ATP2A2: variants seen among roughly 807,000 people sequenced by gnomAD.
ATP2A2 encodes ATPase sarcoplasmic/endoplasmic reticulum Ca2+ transporting 2.
ATP2A2 carries 14 observed loss-of-function variants against 109.3 expected under a neutral mutation model. The observed-to-expected ratio is 0.13, with a 90% CI of 0.08 to 0.20. ATP2A2 has a LOEUF of 0.20. Ranked by LOEUF, ATP2A2 falls within the 10% of genes least tolerant of loss-of-function variation. The pLI is 1.00. For missense variants in ATP2A2, 657 were observed against 1,321.6 expected (o/e 0.50, Z 7.80); for synonymous variants, 506 against 490.9 (o/e 1.03, Z -0.41).
chr12:110,286,635 C>T (rs1013350827), intron 3 of ATP2A2, among the ~76,000 whole-genome samples: 1 of 150,668 alleles, frequency 6.6e-6, no homozygotes, highest in African/African-American at 2.4e-5. Context: ...CAGAAATTAT[C>T]GTAACGTTTA....
At chr12:110,320,957 A>G (rs1396621602) in intron 5 of ATP2A2, among the ~76,000 whole-genome samples, 5 of 152,236 alleles carry the variant, frequency 3.3e-5, no homozygotes, top group Admixed American at 3.3e-4. Flanking sequence ...GGCTGGGTGC[A>G]GTGGCTCACG....
intron 11 of ATP2A2, among the ~76,000 whole-genome samples, chr12:110,337,250 G>A (rs958429567): frequency 1.3e-5 from 2 of 152,312 alleles, no homozygotes; most frequent in Admixed American, 1.3e-4. Context: ...GAACCCATGT[G>A]TAGTTTAGAA....
intron 3 of ATP2A2, among the ~76,000 whole-genome samples, chr12:110,284,124 C>G (rs1872431913): frequency 6.6e-6 from 1 of 152,150 alleles, no homozygotes; most frequent in Admixed American, 6.6e-5. Flanking sequence ...ATTCAGCATT[C>G]TGAGTCAGTC....
At chr12:110,301,901 T>A (rs1167222418) in intron 5 of ATP2A2, among the ~76,000 whole-genome samples, 1 of 152,198 alleles carries the variant, frequency 6.6e-6, no homozygotes. Context: ...AGGCAAATTT[T>A]ATAGAGTTTA....
intron 11 of ATP2A2, among the ~76,000 whole-genome samples, chr12:110,335,757 T>A (rs1878780132): frequency 6.6e-6 from 1 of 151,658 alleles, no homozygotes; most frequent in Non-Finnish European, 1.5e-5. Context: ...GAGGAAGGAG[T>A]GTGATGCTCT....
rs1877933707 is a variant in ATP2A2, at chr12:110,327,573, G to A, written c.651G>A (p.Gly217=). 6.2e-7 allele frequency: 1 copy of A among 1,613,910 alleles called. No individual in the cohort carries two copies. The highest frequency in any genetic ancestry group is 8.5e-7 in the Non-Finnish European group (1 of 1,179,954). Residue 217 remains glycine (G), a synonymous_variant, in exon 8 of 20, where the codon GGG becomes GGA. Coordinates refer to ENST00000539276, the MANE Select transcript of ATP2A2 (RefSeq NM_170665.4). This position sits in a 1 kb window ranked among gnomAD's most constrained non-coding sequence, Gnocchi z 4.4. ...MLFSGTNIAA[G]KAMGVVVATG... ...CCTAGGGTACAAACATTGCTGCTGGGAAAGCTATGGGAGTGGTGGTAGCAA... is the reference window on the plus strand; with the variant it reads ...CCTAGGGTACAAACATTGCTGCTGGAAAAGCTATGGGAGTGGTGGTAGCAA...
chr12:110,348,926 G>A lies in ATP2A2; in HGVS notation c.*2456G>A, dbSNP rs942359661. On this transcript the variant is annotated 3_prime_UTR_variant, in exon 20 of 20. Coordinates refer to ENST00000539276, the MANE Select transcript of ATP2A2 (RefSeq NM_170665.4). ...TTGAGTGCTGCACTATTGCTATTCC[G>A]TGCAAACAAAACTCAGCTTTTCCTG... The A allele has an allele frequency of 5.8e-5, 57 of 985,306 alleles. 1 individual carries two copies. Among genetic ancestry groups the A allele is most frequent in the South Asian group, 1.4e-4 (3 of 21,294 alleles). The allele number at this position is 985,306 out of a possible 1,614,324, so 61.0% of individuals were successfully genotyped here.
Position 110,350,036 on chromosome 12 carries a change from TTTC to T in ATP2A2, c.*3567_*3569del. 1 of 1,402,216 alleles carries T rather than the reference TTTC, an allele frequency of 7.1e-7. No homozygotes were observed. The highest frequency in any genetic ancestry group is 9.3e-7 in the Non-Finnish European group (1 of 1,080,958). 86.9% of individuals were successfully genotyped at this position (1,402,216 alleles called of 1,614,324 possible). ...AACGATTGTGTCTGCCTCATGGGGT[TTTC>T]CTCCAGAGCCTTTATTCTGTAGCCA... On this transcript the variant is annotated 3_prime_UTR_variant, in exon 20 of 20. Transcript: ENST00000539276.
At position 110,289,266 on chromosome 12, in the gene ATP2A2, G is replaced by A. The variant is rs919231850; in HGVS notation, c.220-2754G>A. ...AGGTCATAGTTACTCTTCAAGTTGA[G>A]CGATTTTTCTCCCCCAAGAGCTAAT... On this transcript the variant is annotated intron_variant, in intron 3 of 19. Coordinates refer to ENST00000539276, the MANE Select transcript of ATP2A2 (RefSeq NM_170665.4). Among the ~76,000 whole-genome samples the A allele has an allele frequency of 5.3e-5, 8 of 152,288 alleles. No individual in the cohort carries two copies. In the South Asian group the frequency reaches 1.0e-3, roughly 20 times the overall value.
At chr12:110,318,555 C>T (rs896431283) in intron 5 of ATP2A2, among the ~76,000 whole-genome samples, 1 of 152,142 alleles carries the variant, frequency 6.6e-6, no homozygotes, top group African/African-American at 2.4e-5. Context: ...CTCACTGCAA[C>T]CTCCGCCTCC....
At position 110,343,437 on chromosome 12, in the gene ATP2A2, G is replaced by A. The variant is rs764993771; in HGVS notation, c.2521+3G>A. 6.2e-7 allele frequency: 1 copy of A among 1,613,888 alleles called. No individual in the cohort carries two copies. The highest frequency in any genetic ancestry group is 1.1e-5 in the South Asian group (1 of 91,064). On this transcript the variant is annotated splice_donor_region_variant and intron_variant, in intron 16 of 19. Transcript: ENST00000539276. ...TTTCCGTTACTTGGCTATTGGCTGT[G>A]AGTACAATTTTTTTATATTACTGAT...
At chr12:110,344,538 T>C (rs1219547519) in intron 16 of ATP2A2, among the ~76,000 whole-genome samples, 2 of 152,152 alleles carry the variant, frequency 1.3e-5, no homozygotes, top group African/African-American at 4.8e-5. Flanking sequence ...CTGTGCAGCC[T>C]TACATGGAGT....
In ATP2A2 at chr12:110,350,042, C is replaced by G. The variant is rs996528197; in HGVS notation, c.*3572C>G. 5 of 1,409,720 alleles carry G rather than the reference C, an allele frequency of 3.5e-6. No individual in the cohort carries two copies. Among genetic ancestry groups the G allele is most frequent in the Non-Finnish European group, 4.6e-6 (5 of 1,085,640 alleles). 87.3% of individuals were successfully genotyped at this position (1,409,720 alleles called of 1,614,324 possible). ...TGTGTCTGCCTCATGGGGTTTTCCT[C>G]CAGAGCCTTTATTCTGTAGCCAGAC... On this transcript the variant is annotated 3_prime_UTR_variant, in exon 20 of 20. Transcript: ENST00000539276.
intron 11 of ATP2A2, among the ~76,000 whole-genome samples, chr12:110,338,002 C>G (rs973874870): frequency 6.6e-6 from 1 of 152,154 alleles, no homozygotes; most frequent in Non-Finnish European, 1.5e-5. Flanking sequence ...CTTCGTCTTC[C>G]TATTTTGTTG....
At chr12:110,324,315 G>A (rs998133230) in intron 6 of ATP2A2, among the ~76,000 whole-genome samples, 3 of 152,062 alleles carry the variant, frequency 2.0e-5, no homozygotes, top group Admixed American at 1.3e-4. Context: ...ATTCTCATTA[G>A]CAACAACAAG....
chr12:110,289,047 A>G (rs1272157776), intron 3 of ATP2A2, among the ~76,000 whole-genome samples: 1 of 152,232 alleles, frequency 6.6e-6, no homozygotes, highest in Non-Finnish European at 1.5e-5. Context: ...TTTGGGCTGT[A>G]GTATTTTAAA....
rs191689860 is a variant in ATP2A2 at position 110,288,284 on chromosome 12, T to A, written c.220-3736T>A. 2.1e-4 allele frequency among the ~76,000 whole-genome samples: 32 copies of A among 151,928 alleles called. No individual in the cohort carries two copies. The South Asian group carries it at 3.7e-3, about 18-fold the overall frequency. ...AACTAATTAAAAAAAAATTTTTTTT[T>A]ATACACATAGGGTCTCACTATGTTA... is the stretch of plus-strand genomic sequence containing the variant. On this transcript the variant is annotated intron_variant, in intron 3 of 19. Coordinates refer to ENST00000539276, the MANE Select transcript of ATP2A2 (RefSeq NM_170665.4).
Position 110,350,358 on chromosome 12 carries a change from T to C in ATP2A2, c.*3888T>C. ...GTAAGGGTGTTCGGTTGCGTGCATG[T>C]GCGTTTTTAGCAACACATCTACCAA... On this transcript the variant is annotated 3_prime_UTR_variant, in exon 20 of 20. Transcript: ENST00000539276. 3.7e-6 allele frequency: 6 copies of C among 1,614,146 alleles called. No homozygotes were observed. Among genetic ancestry groups the C allele is most frequent in the Non-Finnish European group, 5.1e-6 (6 of 1,180,004 alleles).
chr12:110,336,624 G>A (rs1034429002), intron 11 of ATP2A2, among the ~76,000 whole-genome samples: 3 of 152,196 alleles, frequency 2.0e-5, no homozygotes, highest in Admixed American at 1.3e-4. Context: ...CCTGTATGGC[G>A]TGGTCTTCCG....
Sources: gnomAD v4.1 joint callset for allele counts (sites outside exome capture counted in the v4.1 genomes callset) on GRCh38, gnomAD v4.1.1 for gene constraint, Gnocchi (gnomAD v3.1) non-coding constraint, MANE v1.5 for transcripts, NCBI Gene and HGNC (gene_info 2026-07-23, HGNC 2026-07-21) for gene names.